The following ANKMY1 variants were observed in gnomAD, a reference collection of about 807,000 sequenced individuals.
The protein encoded by ANKMY1 is ankyrin repeat and MYND domain-containing protein 1.
A neutral mutation model predicts 102.0 loss-of-function variants in ANKMY1; 98 were observed. That is an observed-to-expected ratio of 0.96 (90% confidence interval 0.82 to 1.14). ANKMY1 has a LOEUF of 1.14. Ranked by LOEUF, ANKMY1 falls within the 50% of genes most tolerant of loss-of-function variation. The pLI, the probability that ANKMY1 is intolerant of heterozygous loss-of-function variation, is 0.00. For synonymous variants in ANKMY1, 582 were observed against 559.9 expected (o/e 1.04, Z -0.56); for missense variants, 1,330 against 1,347.6 (o/e 0.99, Z 0.20).
At chr2:240,551,476 G>A (rs181271466) in intron 4 of ANKMY1, among the ~76,000 whole-genome samples, 13 of 152,258 alleles carry the variant, frequency 8.5e-5, no homozygotes, top group South Asian at 8.3e-4. Flanking sequence ...GAGAGGTTCC[G>A]GCAAAGCCAG....
chr2:240,531,307 GTCGCTTTGAATGA>G lies in ANKMY1; in HGVS notation c.481-1811_481-1799del, dbSNP rs2085334064. On this transcript the variant is annotated intron_variant, in intron 4 of 17. Transcript: ENST00000401804. ...TGATGACTAAATGCAAAACGGCACAGTCGCTTTGAATGACAGTTTGGCCATTTCTTATAAAATG... is the reference window on the plus strand; with the variant it reads ...TGATGACTAAATGCAAAACGGCACAGCAGTTTGGCCATTTCTTATAAAATG... 3.9e-5 allele frequency among the ~76,000 whole-genome samples: 6 copies of G among 152,326 alleles called. No homozygotes were observed. In the South Asian group the frequency reaches 1.2e-3, roughly 32 times the overall value.
chr2:240,532,795 C>A (rs1416583973), intron 4 of ANKMY1, among the ~76,000 whole-genome samples: 2 of 152,234 alleles, frequency 1.3e-5, no homozygotes, highest in Admixed American at 1.3e-4. Flanking sequence ...TCCTCAAATT[C>A]CTGGGCTCAA....
chr2:240,505,352 C>T (rs1000183052), intron 13 of ANKMY1, among the ~76,000 whole-genome samples: 7 of 151,644 alleles, frequency 4.6e-5, no homozygotes, highest in East Asian at 1.9e-4. Flanking sequence ...ATCCCAGCTA[C>T]TCGGGAGGGT....
rs761208036 is a variant in ANKMY1, at chr2:240,526,237, C to A, written c.1162G>T (p.Ala388Ser). The A allele has an allele frequency of 1.2e-6, 2 of 1,614,074 alleles. No individual in the cohort carries two copies. Among genetic ancestry groups the A allele is most frequent in the South Asian group, 2.2e-5 (2 of 91,090 alleles). ...ADAKGYTVLA[A>S]AATHCHNDIV... The stretch of plus-strand genomic sequence containing the variant: ...GAGGGTGTGGGGCTTACAGCAGCCG[C>A]AGCAAGCACAGTGTAGCCCTTTGCG... Residue 388 changes from alanine to serine, a missense_variant, in exon 6 of 18, where the codon GCG (alanine) becomes TCG (serine). Transcript: ENST00000401804.
Position 240,557,907 on chromosome 2 carries a change from G to A in ANKMY1, c.-44C>T, listed in dbSNP as rs981577953. The A allele has an allele frequency of 1.9e-5, 19 of 985,428 alleles. No individual in the cohort carries two copies. The highest frequency in any genetic ancestry group is 2.3e-5 in the Non-Finnish European group (19 of 830,020). The allele number at this position is 985,428 out of a possible 1,614,324, so 61.0% of individuals were successfully genotyped here. A position where few individuals can be genotyped will look rare whatever the true frequency, so the allele number is the denominator to read the frequency against. ...AAGCAAGACTCGAAGAGCTCGCGCC[G>A]GACAGCAGGGAGACCGACGGGACTG... On this transcript the variant is annotated 5_prime_UTR_variant, in exon 1 of 18. Coordinates refer to ENST00000401804, the MANE Select transcript of ANKMY1 (RefSeq NM_001282771.3).
intron 15 of ANKMY1, among the ~76,000 whole-genome samples, chr2:240,483,899 T>C (rs1300909249): frequency 6.6e-6 from 1 of 152,188 alleles, no homozygotes; most frequent in Non-Finnish European, 1.5e-5. Context: ...TATGTCCTCA[T>C]TGTTCAACTC....
At chr2:240,511,729 C>T in intron 11 of ANKMY1, 132 bp downstream of exon 11, 1 of 1,214,974 alleles carries the variant, frequency 8.2e-7, no homozygotes, top group Non-Finnish European at 1.1e-6. Context: ...CTTCCCTCCC[C>T]ATCCTTCCAA....
At chr2:240,525,204 C>G (rs1365346603) in intron 7 of ANKMY1, among the ~76,000 whole-genome samples, 2 of 152,254 alleles carry the variant, frequency 1.3e-5, no homozygotes, top group Non-Finnish European at 2.9e-5. Flanking sequence ...TGAGACTGAG[C>G]TTCCAGCTCC....
chr2:240,505,834 C>G (rs1003628773), intron 13 of ANKMY1, among the ~76,000 whole-genome samples: 1 of 152,100 alleles, frequency 6.6e-6, no homozygotes, highest in Non-Finnish European at 1.5e-5. Context: ...ACCTGGATGC[C>G]CCAGAAAGCC....
intron 9 of ANKMY1, among the ~76,000 whole-genome samples, chr2:240,518,008 G>A (rs962651301): frequency 6.6e-6 from 1 of 151,974 alleles, no homozygotes; most frequent in African/African-American, 2.4e-5. Context: ...CACCCATGGT[G>A]TGCAGCTGCC....
At chr2:240,516,539 TGTTAA>T (rs2081252680) in intron 9 of ANKMY1, among the ~76,000 whole-genome samples, 1 of 152,266 alleles carries the variant, frequency 6.6e-6, no homozygotes, top group Non-Finnish European at 1.5e-5. Flanking sequence ...TCCTAATTAT[TGTTAA>T]GTTGTTGTCT....
intron 8 of ANKMY1, among the ~76,000 whole-genome samples, chr2:240,521,633 G>C (rs2082300260): frequency 6.6e-6 from 1 of 150,956 alleles, no homozygotes; most frequent in Non-Finnish European, 1.5e-5. Flanking sequence ...CAAGTAGCCG[G>C]GACTACAGGC....
intron 4 of ANKMY1, among the ~76,000 whole-genome samples, chr2:240,544,748 G>C (rs554747303): frequency 6.6e-6 from 1 of 152,376 alleles, no homozygotes; most frequent in African/African-American, 2.4e-5. Context: ...AGGGGTGACA[G>C]ACGGCACCTG....
intron 4 of ANKMY1, among the ~76,000 whole-genome samples, chr2:240,530,979 A>C (rs73105963): frequency 2.7e-4 from 41 of 152,284 alleles, no homozygotes; most frequent in African/African-American, 9.6e-4. Flanking sequence ...GAAAAGTGAA[A>C]AGGTAAGCCA....
At chr2:240,552,886 C>T (rs1036395168) in intron 4 of ANKMY1, 28 bp downstream of exon 4, 22 of 1,613,236 alleles carry the variant, frequency 1.4e-5, no homozygotes, top group Non-Finnish European at 1.9e-5. Context: ...CACTTCGACC[C>T]CAGCTGAACA....
chr2:240,543,556 T>C (rs1299322470), intron 4 of ANKMY1, among the ~76,000 whole-genome samples: 1 of 152,132 alleles, frequency 6.6e-6, no homozygotes, highest in Non-Finnish European at 1.5e-5. Context: ...TAATTTAATG[T>C]TGTTACTTTA....
intron 15 of ANKMY1, among the ~76,000 whole-genome samples, chr2:240,486,437 T>A (rs1023816000): frequency 1.3e-5 from 2 of 152,236 alleles, no homozygotes; most frequent in African/African-American, 4.8e-5. Flanking sequence ...TATATTCTTC[T>A]TTACAATTAA....
At chr2:240,478,730 T>TAA (rs11320254), downstream of ANKMY1, among the ~76,000 whole-genome samples, 2 of 149,502 alleles carry the variant, frequency 1.3e-5, no homozygotes, top group African/African-American at 4.9e-5. Context: ...GGAAAGTCAG[T>TAA]AAAAAAAAAA....
At chr2:240,488,089 T>C (rs1175960223) in intron 15 of ANKMY1, among the ~76,000 whole-genome samples, 1 of 152,156 alleles carries the variant, frequency 6.6e-6, no homozygotes, top group Non-Finnish European at 1.5e-5. Flanking sequence ...ATTTTGAATA[T>C]TTTTATAGTC....
Sources: gnomAD v4.1 joint callset for allele counts (sites outside exome capture counted in the v4.1 genomes callset) on GRCh38, gnomAD v4.1.1 for gene constraint, MANE v1.5 for transcripts, NCBI Gene and HGNC (gene_info 2026-07-23, HGNC 2026-07-21) for gene names.